RNF170: variants seen among roughly 807,000 people sequenced by gnomAD.
RNF170 encodes ring finger protein 170, also known as E3 ubiquitin-protein ligase RNF170.
Under a neutral mutation model 32.7 loss-of-function variants are expected in RNF170, and 12 were observed. The observed-to-expected ratio is 0.37, with a 90% CI of 0.24 to 0.60. The LOEUF (loss-of-function observed/expected upper bound fraction) is 0.60, where lower values mean the gene tolerates loss of function less well. RNF170 is among the 20% of genes least tolerant of loss of function. The probability of loss-of-function intolerance (pLI) is 0.72; values close to 1 mark genes in which losing one functional copy is unlikely to be tolerated. For missense variants in RNF170, 212 were observed against 311.2 expected (o/e 0.68, Z 2.40); for synonymous variants, 91 against 103.6 (o/e 0.88, Z 0.74).
chr8:42,884,224 T>C (rs1805633907), intron 2 of RNF170, among the ~76,000 whole-genome samples: 1 of 151,772 alleles, frequency 6.6e-6, no homozygotes, highest in Non-Finnish European at 1.5e-5. Context: ...GCTGGGGTTA[T>C]AGGGGCCCAC....
At chr8:42,877,463 AGCCACC>A (rs1271404464) in intron 2 of RNF170, among the ~76,000 whole-genome samples, 3 of 152,316 alleles carry the variant, frequency 2.0e-5, no homozygotes, top group African/African-American at 7.2e-5. Flanking sequence ...TACAGGTGTG[AGCCACC>A]GCACCCAGCC....
chr8:42,884,657 A>AT (rs775581479), intron 2 of RNF170, among the ~76,000 whole-genome samples: 10 of 151,942 alleles, frequency 6.6e-5, no homozygotes, highest in Non-Finnish European at 1.0e-4. Context: ...AGTAGCCTAT[A>AT]CAGTTTTCAG....
chr8:42,852,348 A>G (rs1802962281), downstream of RNF170, among the ~76,000 whole-genome samples: 1 of 152,148 alleles, frequency 6.6e-6, no homozygotes, highest in Non-Finnish European at 1.5e-5. Context: ...TATAATCCTT[A>G]TATTTCCTTA....
chr8:42,872,785 G>A (rs1214850756), intron 3 of RNF170, among the ~76,000 whole-genome samples: 5 of 151,970 alleles, frequency 3.3e-5, no homozygotes, highest in Non-Finnish European at 5.9e-5. Context: ...TTCCATGAGG[G>A]TAGGAATTTT....
chr8:42,852,401 T>A (rs922958165), downstream of RNF170, among the ~76,000 whole-genome samples: 1 of 152,078 alleles, frequency 6.6e-6, no homozygotes, highest in Non-Finnish European at 1.5e-5. Flanking sequence ...GAATTACATA[T>A]AATTTATTTA....
At chr8:42,895,656 A>G (rs1806742226) in intron 1 of RNF170, among the ~76,000 whole-genome samples, 1 of 152,202 alleles carries the variant, frequency 6.6e-6, no homozygotes, top group South Asian at 2.1e-4. Context: ...GAATGGATTC[A>G]CTGTTCTATT....
At chr8:42,863,810 T>C (rs1803856596) in intron 5 of RNF170, among the ~76,000 whole-genome samples, 1 of 152,194 alleles carries the variant, frequency 6.6e-6, no homozygotes, top group African/African-American at 2.4e-5. Flanking sequence ...AACATCAGTT[T>C]TCCTCCTGAC....
intron 2 of RNF170, among the ~76,000 whole-genome samples, chr8:42,878,596 T>C (rs1216982277): frequency 6.6e-6 from 1 of 152,208 alleles, no homozygotes; most frequent in Non-Finnish European, 1.5e-5. Context: ...GGTTGGTTCA[T>C]GACATTTAAG....
At chr8:42,872,334 A>G (rs976160312) in intron 3 of RNF170, among the ~76,000 whole-genome samples, 2 of 152,208 alleles carry the variant, frequency 1.3e-5, no homozygotes, top group Non-Finnish European at 2.9e-5. Flanking sequence ...ATGTCTAAAG[A>G]TTAAATACAA....
In RNF170 at chr8:42,856,021, C is replaced by A; in HGVS notation, c.*138G>T. The A allele has an allele frequency of 6.5e-7, 1 of 1,547,576 alleles. No homozygotes were observed. Among genetic ancestry groups the A allele is most frequent in the South Asian group, 1.2e-5 (1 of 86,612 alleles). On this transcript the variant is annotated 3_prime_UTR_variant, in exon 7 of 7. Transcript: ENST00000527424. ...ACCTAGGTATTTGTCAAATGATAATCAAATGTTTGTCTTATAGTGGTTTTA... is the reference window on the plus strand; with the variant it reads ...ACCTAGGTATTTGTCAAATGATAATAAAATGTTTGTCTTATAGTGGTTTTA...
Position 42,861,782 on chromosome 8 carries a change from T to C in RNF170, c.470A>G (p.Asn157Ser). 2 of 1,613,930 alleles carry C rather than the reference T, an allele frequency of 1.2e-6. No individual in the cohort carries two copies. The highest frequency in any genetic ancestry group is 1.7e-6 in the Non-Finnish European group (2 of 1,179,896). ...QDVLRLHQDI[N>S]DYNRRFSGQP... ...CCCTGAGAATCTCCGGTTATAATCA[T>C]TAATATCCTGATGCAATCTCAGAAC... Residue 157 changes from asparagine (N) to serine (S), a missense_variant, in exon 6 of 7, where the codon AAT becomes AGT. Transcript: ENST00000527424.
chr8:42,888,561 G>A (rs1206163256), intron 1 of RNF170, among the ~76,000 whole-genome samples: 6 of 151,176 alleles, frequency 4.0e-5, no homozygotes, highest in South Asian at 2.1e-4. Context: ...TCAGAAGTTC[G>A]AGACCAGCCT....
At chr8:42,864,303 G>A (rs1286061590) in intron 5 of RNF170, among the ~76,000 whole-genome samples, 1 of 151,804 alleles carries the variant, frequency 6.6e-6, no homozygotes, top group Non-Finnish European at 1.5e-5. Flanking sequence ...ATCTCATTTT[G>A]TTGCCCAAGC....
intron 1 of RNF170, among the ~76,000 whole-genome samples, chr8:42,891,173 C>T (rs1806269918): frequency 6.6e-6 from 1 of 152,130 alleles, no homozygotes; most frequent in African/African-American, 2.4e-5. Flanking sequence ...ATTTTAGTTC[C>T]AATTCTGTTA....
rs1363839740 is a variant in RNF170, at chr8:42,887,834, A to G, written c.31T>C (p.Leu11=). 5.0e-6 allele frequency: 8 copies of G among 1,613,900 alleles called. No individual in the cohort carries two copies. The highest frequency in any genetic ancestry group is 6.8e-6 in the Non-Finnish European group (8 of 1,179,868). The change falls in exon 2 of 7, where the codon TTG becomes CTG. Residue 11 remains leucine (L), a synonymous_variant. Coordinates refer to ENST00000527424, the MANE Select transcript of RNF170 (RefSeq NM_030954.4). ...ATAACTGAATCATCATCCAGTTTCA[A>G]ACTTTGAACTTCACCTTGATATTTG... MAKYQGEVQS[L]KLDDDSVIEG... is the part of the protein sequence containing the mutation.
In RNF170 at chr8:42,896,565, C is replaced by T. The variant is rs1336142365; in HGVS notation, c.-89G>A. On this transcript the variant is annotated 5_prime_UTR_variant, in exon 1 of 7. Transcript: ENST00000527424. Reference sequence around the variant, plus strand: ...TCCAGGACCGCTCCCGCCACCCCTCCCGGGCAACCCACTAGACGTCCCCTT... The same window carrying T: ...TCCAGGACCGCTCCCGCCACCCCTCTCGGGCAACCCACTAGACGTCCCCTT... 1 of 453,940 alleles carries T rather than the reference C, an allele frequency of 2.2e-6. No homozygotes were observed. The highest frequency in any genetic ancestry group is 2.0e-5 in the African/African-American group (1 of 50,104). The allele number at this position is 453,940 out of a possible 1,614,324, so 28.1% of individuals were successfully genotyped here. A position where few individuals can be genotyped will look rare whatever the true frequency, so the allele number is the denominator to read the frequency against.
chr8:42,896,951 A>G, upstream of RNF170: 4 of 399,164 alleles, frequency 1.0e-5, no homozygotes, highest in Non-Finnish European at 1.3e-5. Flanking sequence ...GTGAAAGGAG[A>G]AGGAGGGGCG....
chr8:42,861,323 A>G (rs1000238304), intron 6 of RNF170: 2 of 160,584 alleles, frequency 1.2e-5, no homozygotes, highest in South Asian at 3.5e-4. Context: ...AACACATATA[A>G]TGAGATTTTT....
chr8:42,894,064 G>A (rs919702960), intron 1 of RNF170, among the ~76,000 whole-genome samples: 3 of 152,220 alleles, frequency 2.0e-5, no homozygotes, highest in African/African-American at 7.2e-5. Flanking sequence ...GAGAATCTCA[G>A]TGTCTTTTTA....
Sources: gnomAD v4.1 joint callset for allele counts (sites outside exome capture counted in the v4.1 genomes callset) on GRCh38, gnomAD v4.1.1 for gene constraint, MANE v1.5 for transcripts, NCBI Gene and HGNC (gene_info 2026-07-23, HGNC 2026-07-21) for gene names.